ZNF717: variants seen among roughly 807,000 people sequenced by gnomAD.
The protein encoded by ZNF717 is zinc finger protein 717.
A neutral mutation model predicts 13.8 loss-of-function variants in ZNF717; 9 were observed. The observed-to-expected ratio is 0.65, with a 90% CI of 0.39 to 1.14. The LOEUF is 1.14. ZNF717 is among the 50% of genes most tolerant of loss of function. ZNF717 has a pLI of 0.01. For synonymous variants in ZNF717, 327 were observed against 364.1 expected (o/e 0.90, Z 1.16); for missense variants, 1,040 against 1,080.7 (o/e 0.96, Z 0.53).
intron 6 of ZNF717, among the ~76,000 whole-genome samples, chr3:75,701,670 A>G (rs1467485203): frequency 1.3e-5 from 2 of 152,294 alleles, no homozygotes; most frequent in Non-Finnish European, 2.9e-5. Flanking sequence ...AGCCTGGGCA[A>G]CAGATCAAGA....
intron 2 of ZNF717, among the ~76,000 whole-genome samples, chr3:75,774,534 G>A (rs376763231): frequency 1.1e-3 from 117 of 105,430 alleles, no homozygotes; most frequent in Middle Eastern, 6.5e-3. Context: ...AAATAATGTT[G>A]AACCTTCTTC....
At chr3:75,704,177 C>A (rs1229852955) in intron 6 of ZNF717, among the ~76,000 whole-genome samples, 1 of 149,352 alleles carries the variant, frequency 6.7e-6, no homozygotes, top group Admixed American at 6.6e-5. Context: ...AAAGACAATG[C>A]ACTCCTGCTC....
chr3:75,706,571 C>A (rs1385580011), downstream of ZNF717, among the ~76,000 whole-genome samples: 29 of 151,944 alleles, frequency 1.9e-4, no homozygotes, highest in South Asian at 4.1e-4. Context: ...TGCCTCTGAG[C>A]CACTGTGCCT....
At chr3:75,761,433 GA>G (rs1943004260) in intron 2 of ZNF717, among the ~76,000 whole-genome samples, 2 of 152,252 alleles carry the variant, frequency 1.3e-5, no homozygotes, top group South Asian at 4.1e-4. Context: ...ACTCAATGGT[GA>G]AAAACTAAGA....
intron 2 of ZNF717, among the ~76,000 whole-genome samples, chr3:75,763,730 A>G (rs1943212256): frequency 6.6e-6 from 1 of 152,292 alleles, no homozygotes. Context: ...TCAAACTAAA[A>G]TTACTAGAAA....
At chr3:75,779,595 A>G (rs1944641857) in intron 2 of ZNF717, among the ~76,000 whole-genome samples, 1 of 151,744 alleles carries the variant, frequency 6.6e-6, no homozygotes, top group South Asian at 2.1e-4. Flanking sequence ...CGCAACCCAA[A>G]ACACTGGGAG....
chr3:75,731,118 T>G (rs1938513683), downstream of ZNF717, among the ~76,000 whole-genome samples: 1 of 149,712 alleles, frequency 6.7e-6, no homozygotes, highest in East Asian at 2.0e-4. Flanking sequence ...GGCTCACACC[T>G]GTAACCCCAG....
chr3:75,764,523 G>C (rs1449215751), intron 2 of ZNF717, among the ~76,000 whole-genome samples: 1 of 152,208 alleles, frequency 6.6e-6, no homozygotes, highest in African/African-American at 2.4e-5. Context: ...CCAACGTAAC[G>C]AGAATGAACT....
At chr3:75,747,148 A>T (rs3009100) in intron 2 of ZNF717, among the ~76,000 whole-genome samples, 126,578 of 151,978 alleles carry the variant, frequency 0.83, 52,701 homozygotes, top group East Asian at 0.89. Context: ...TTTGTCAGGT[A>T]TGTCAAAGAT....
At chr3:75,722,035 C>T (rs1243595669) in intron 4 of ZNF717, among the ~76,000 whole-genome samples, 1 of 148,716 alleles carries the variant, frequency 6.7e-6, no homozygotes, top group African/African-American at 2.5e-5. Flanking sequence ...ATCACAAGGT[C>T]AAGAGATCAA....
intron 4 of ZNF717, among the ~76,000 whole-genome samples, chr3:75,718,076 ATGACTGG>A (rs1160643782): frequency 6.6e-6 from 1 of 152,206 alleles, no homozygotes; most frequent in African/African-American, 2.4e-5. Flanking sequence ...TACACTGCAG[ATGACTGG>A]TGCTTACTCC....
rs1437606573 is a variant in ZNF717, at chr3:75,764,850, C to G, written c.57+18456G>C. Among the ~76,000 whole-genome samples the G allele has an allele frequency of 3.3e-5, 5 of 152,144 alleles. No homozygotes were observed. In the East Asian group the frequency reaches 7.7e-4, roughly 23 times the overall value. ...TAAAATGACCATATGATCCAGCCAT[C>G]CAACTTCTACAGAGAGACAGAATAA... On this transcript the variant is annotated intron_variant, in intron 2 of 4. Coordinates refer to ENST00000652011, the MANE Select transcript of ZNF717 (RefSeq NM_001290208.3).
chr3:75,714,320 G>A (rs77105059), intron 5 of ZNF717, among the ~76,000 whole-genome samples: 114 of 152,128 alleles, frequency 7.5e-4, no homozygotes, highest in African/African-American at 2.6e-3. Flanking sequence ...CTTAGGTCAC[G>A]GGCATCTTCC....
intron 6 of ZNF717, among the ~76,000 whole-genome samples, chr3:75,704,580 C>T (rs1170086479): frequency 6.6e-6 from 1 of 152,310 alleles, no homozygotes; most frequent in Non-Finnish European, 1.5e-5. Context: ...AGAGGCCAAG[C>T]TCACAGGGTT....
chr3:75,727,553 T>C (rs1938309605), downstream of ZNF717, among the ~76,000 whole-genome samples: 1 of 152,256 alleles, frequency 6.6e-6, no homozygotes, highest in Non-Finnish European at 1.5e-5. Flanking sequence ...GTGTCTGTCT[T>C]ATGTGGTTGA....
In ZNF717 at chr3:75,737,365, G is replaced by A. The variant is rs78832898; in HGVS notation, c.2258C>T (p.Thr753Ile). ...ATTACATTCATAAGGTTTTTCTCCG[G>A]TATGGGTTCTATGATGTACAGTGAG... Reference protein sequence around the residue: ...SVLTVHHRTHTGEKPYECNEC... With the variant: ...SVLTVHHRTHIGEKPYECNEC... The change falls in exon 5 of 5, where the codon ACC becomes ATC. Residue 753 changes from threonine (T) to isoleucine (I), a missense_variant. By Grantham distance (89) the Thr-to-Ile change is moderately conservative (BLOSUM62 -1). Transcript: ENST00000652011. The A allele has an allele frequency of 2.2e-5, 33 of 1,468,380 alleles. No individual in the cohort carries two copies. The highest frequency in any genetic ancestry group is 2.8e-5 in the Non-Finnish European group (31 of 1,089,382). The allele number at this position is 1,468,380 out of a possible 1,614,324, so 91.0% of individuals were successfully genotyped here. A position where few individuals can be genotyped will look rare whatever the true frequency, so the allele number is the denominator to read the frequency against.
rs1383129096 is a variant in ZNF717, at chr3:75,738,478, A to C, written c.1145T>G (p.Leu382Arg). Reference sequence around the variant, plus strand: ...TGAGTGAGTTCTGTGATGTAAAGTGAGAAGTGACTTACAGTGAAAAGTTTT... The same window carrying C: ...TGAGTGAGTTCTGTGATGTAAAGTGCGAAGTGACTTACAGTGAAAAGTTTT... ...CGKTFHCKSL[L>R]TLHHRTHSGE... Residue 382 changes from leucine to arginine, a missense_variant, in exon 5 of 5, where the codon CTC (leucine) becomes CGC (arginine). By Grantham distance (102) the Leu-to-Arg change is moderately radical. Transcript: ENST00000652011. 3 of 1,531,886 alleles carry C rather than the reference A, an allele frequency of 2.0e-6. No homozygotes were observed. In the Admixed American group the frequency reaches 6.0e-5, roughly 31 times the overall value. The allele number at this position is 1,531,886 out of a possible 1,614,324, so 94.9% of individuals were successfully genotyped here. A position where few individuals can be genotyped will look rare whatever the true frequency, so the allele number is the denominator to read the frequency against.
At chr3:75,747,760 G>A (rs1941315435) in intron 2 of ZNF717, among the ~76,000 whole-genome samples, 1 of 152,106 alleles carries the variant, frequency 6.6e-6, no homozygotes, top group African/African-American at 2.4e-5. Flanking sequence ...GAGATTTTGG[G>A]CTGAGATGAT....
chr3:75,709,763 TTTC>T (rs1937893826), exon 6 of ZNF717: 3 of 152,176 alleles, frequency 2.0e-5, no homozygotes, highest in African/African-American at 7.2e-5. Flanking sequence ...CTGTCAGAGT[TTTC>T]TTATTACTAG....
Sources: gnomAD v4.1 joint callset for allele counts (sites outside exome capture counted in the v4.1 genomes callset) on GRCh38, gnomAD v4.1.1 for gene constraint, MANE v1.5 for transcripts, NCBI Gene and HGNC (gene_info 2026-07-23, HGNC 2026-07-21) for gene names.